Variants in ZNF585A observed in about 807,000 individuals in gnomAD.
ZNF585A encodes the protein zinc finger protein 585A.
In ZNF585A, 9 loss-of-function variants were observed where a neutral mutation model predicts 14.9. The ratio of observed to expected loss-of-function variants is 0.60; its 90% CI spans 0.36 to 1.05. The LOEUF is 1.05. ZNF585A is among the 50% of genes least tolerant of loss of function. The probability of loss-of-function intolerance (pLI) is 0.01; values close to 1 mark genes in which losing one functional copy is unlikely to be tolerated. For missense variants in ZNF585A, 726 were observed against 926.4 expected (o/e 0.78, Z 2.81); for synonymous variants, 276 against 319.9 (o/e 0.86, Z 1.46).
At chr19:37,156,986 G>C (rs1042096499) in intron 2 of ZNF585A, among the ~76,000 whole-genome samples, 1 of 152,114 alleles carries the variant, frequency 6.6e-6, no homozygotes, top group Non-Finnish European at 1.5e-5. Flanking sequence ...CACCGCGCCT[G>C]GCCTCTCTTA....
Position 37,151,549 on chromosome 19 carries a change from C to G in ZNF585A, c.*40G>C, listed in dbSNP as rs780226930. 7 of 1,563,094 alleles carry G rather than the reference C, an allele frequency of 4.5e-6. No individual in the cohort carries two copies. The highest frequency in any genetic ancestry group is 1.7e-4 in the Middle Eastern group (1 of 5,756). ...CTGCATGCGTGCAACAGTGTACAAT[C>G]AGACCCAACCCTCAGGGGGGTTTTC... On this transcript the variant is annotated 3_prime_UTR_variant, in exon 5 of 5. Transcript: ENST00000292841.
In ZNF585A at chr19:37,170,045, AC is replaced by A; in HGVS notation, c.-136del. ...TCTGGCCCAGGGGCTCCCCAGAGAC[AC>A]CCAGAAACCTGGAAAGACAATGTTC... On this transcript the variant is annotated 5_prime_UTR_variant, in exon 2 of 5. Transcript: ENST00000292841. 1 of 935,980 alleles carries A rather than the reference AC, an allele frequency of 1.1e-6. No individual in the cohort carries two copies. The allele number at this position is 935,980 out of a possible 1,614,324, so 58.0% of individuals were successfully genotyped here.
In ZNF585A at chr19:37,156,233, T is replaced by G; in HGVS notation, c.195A>C (p.Ser65=). 6.8e-6 allele frequency: 11 copies of G among 1,614,114 alleles called. No individual in the cohort carries two copies. The highest frequency in any genetic ancestry group is 9.3e-6 in the Non-Finnish European group (11 of 1,179,978). ...VMLETYSHLL[S]VGYQVPEAEV... ...TACCAAGGTGACTGTGCTTACCTAC[T>G]GAGAGCAGGTGGCTGTAGGTCTCCA... is the stretch of plus-strand genomic sequence containing the variant. The change falls in exon 3 of 5, where the codon TCA becomes TCC. Residue 65 remains serine, a synonymous_variant. Coordinates refer to ENST00000292841, the MANE Select transcript of ZNF585A (RefSeq NM_001288800.2).
intron 2 of ZNF585A, among the ~76,000 whole-genome samples, chr19:37,169,500 A>G (rs957048228): frequency 1.3e-5 from 2 of 152,196 alleles, no homozygotes; most frequent in Non-Finnish European, 2.9e-5. Flanking sequence ...GGAAGAAACA[A>G]GAGAAATACT....
intron 2 of ZNF585A, among the ~76,000 whole-genome samples, chr19:37,167,590 T>TA (rs1972114389): frequency 1.3e-5 from 1 of 78,816 alleles, no homozygotes; most frequent in African/African-American, 9.9e-5. Context: ...TACTTTTTAT[T>TA]TTTATTTTAT....
intron 2 of ZNF585A, among the ~76,000 whole-genome samples, chr19:37,163,915 A>G (rs1466063284): frequency 6.6e-6 from 1 of 152,206 alleles, no homozygotes; most frequent in African/African-American, 2.4e-5. Context: ...AAAAAGCACA[A>G]GAACTCCAAA....
In ZNF585A at chr19:37,151,987, C is replaced by A; in HGVS notation, c.1912G>T (p.Glu638Ter). 1 of 1,614,042 alleles carries A rather than the reference C, an allele frequency of 6.2e-7. No homozygotes were observed. Among genetic ancestry groups the A allele is most frequent in the Non-Finnish European group, 8.5e-7 (1 of 1,180,022 alleles). The change falls in exon 5 of 5, where the codon GAG (glutamate) becomes TAG (stop). Residue 638 changes from glutamate (E) to a stop codon, truncating the protein, a stop_gained. Coordinates refer to ENST00000292841, the MANE Select transcript of ZNF585A (RefSeq NM_001288800.2). LOFTEE classifies it low-confidence loss of function (END_TRUNC). ...CTGCCACTAAAGGCCTTCCCGCACT[C>A]GGCACACACATAGGGTTTCTCTCCT... ...HTGEKPYVCA[E>*]CGKAFSGRSN...
chr19:37,165,461 A>G (rs1972076169), intron 2 of ZNF585A: 1 of 157,778 alleles, frequency 6.3e-6, no homozygotes, highest in South Asian at 2.0e-4. Context: ...GTTTTGCTAT[A>G]TACCAGAGCT....
intron 2 of ZNF585A, among the ~76,000 whole-genome samples, chr19:37,159,686 C>T (rs1265225330): frequency 6.6e-6 from 1 of 152,066 alleles, no homozygotes; most frequent in East Asian, 1.9e-4. Flanking sequence ...ACAAGAATTA[C>T]AACAATACAA....
intron 2 of ZNF585A, among the ~76,000 whole-genome samples, chr19:37,163,112 G>A (rs1386899617): frequency 6.6e-6 from 1 of 152,004 alleles, no homozygotes; most frequent in Non-Finnish European, 1.5e-5. Context: ...AAAATTTAAT[G>A]GGGAATCAAG....
At chr19:37,166,924 C>T (rs928565040) in intron 2 of ZNF585A, among the ~76,000 whole-genome samples, 18 of 152,070 alleles carry the variant, frequency 1.2e-4, no homozygotes, top group African/African-American at 4.3e-4. Context: ...ACCTCTACTT[C>T]CCAGGCTCAA....
intron 4 of ZNF585A, among the ~76,000 whole-genome samples, chr19:37,154,939 G>C (rs1228125401): frequency 2.6e-5 from 4 of 151,966 alleles, no homozygotes. Flanking sequence ...AGGACTATGG[G>C]GAATGTAGGG....
intron 1 of ZNF585A, among the ~76,000 whole-genome samples, chr19:37,170,507 C>T (rs544636103): frequency 6.6e-6 from 1 of 152,242 alleles, no homozygotes; most frequent in Non-Finnish European, 1.5e-5. Flanking sequence ...TCTTTTGAGA[C>T]GGAGTCTCGC....
At chr19:37,168,274 C>T (rs1972127889) in intron 2 of ZNF585A, among the ~76,000 whole-genome samples, 1 of 152,106 alleles carries the variant, frequency 6.6e-6, no homozygotes, top group South Asian at 2.1e-4. Flanking sequence ...AAAAGCAGCC[C>T]CTGACCGCTG....
chr19:37,157,242 T>C (rs1208543907), intron 2 of ZNF585A, among the ~76,000 whole-genome samples: 1 of 152,218 alleles, frequency 6.6e-6, no homozygotes, highest in East Asian at 1.9e-4. Flanking sequence ...TTCTGTACTA[T>C]AGTCAGCCAA....
chr19:37,156,463 T>C, intron 2 of ZNF585A, 108 bp from the exon 3 acceptor site: 1 of 1,392,980 alleles, frequency 7.2e-7, no homozygotes. Context: ...TTACATTCTC[T>C]TTTTAAAAAC....
In ZNF585A at chr19:37,151,783, G is replaced by A. The variant is rs752801649; in HGVS notation, c.2116C>T (p.Gln706Ter). 1.9e-6 allele frequency: 3 copies of A among 1,613,250 alleles called. No individual in the cohort carries two copies. The highest frequency in any genetic ancestry group is 1.7e-6 in the Non-Finnish European group (2 of 1,179,766). Residue 706 changes from glutamine to a stop codon, truncating the protein, a stop_gained, in exon 5 of 5, where the codon CAA becomes TAA. Coordinates refer to ENST00000292841, the MANE Select transcript of ZNF585A (RefSeq NM_001288800.2). LOFTEE classifies it high-confidence loss of function. ...CCAGTGTGAATTCGCTGATGCACTTGGAGCTGTGATTTTTTAGTGAAAGAC... is the reference window on the plus strand; with the variant it reads ...CCAGTGTGAATTCGCTGATGCACTTAGAGCTGTGATTTTTTAGTGAAAGAC... ...GKSFTKKSQL[Q>*]VHQRIHTGEK...
chr19:37,171,715 A>C (rs1250500506), intron 1 of ZNF585A, among the ~76,000 whole-genome samples: 1 of 152,186 alleles, frequency 6.6e-6, no homozygotes, highest in African/African-American at 2.4e-5. Context: ...AGCCTGGCCA[A>C]CATGGTGAAT....
Position 37,156,267 on chromosome 19 carries a change from T to C in ZNF585A, c.161A>G (p.Asp54Gly), listed in dbSNP as rs1971928895. The C allele has an allele frequency of 3.1e-6, 5 of 1,614,134 alleles. No individual in the cohort carries two copies. In the East Asian group the frequency reaches 8.9e-5, roughly 29 times the overall value. ...GTGGCTGTAGGTCTCCAGCATCACA[T>C]CCCGGTACAGGTTTCTCTGAGAAGG... Reference protein sequence around the residue: ...LDPSQRNLYRDVMLETYSHLL... With the variant: ...LDPSQRNLYRGVMLETYSHLL... Residue 54 changes from aspartate to glycine, a missense_variant, in exon 3 of 5, where the codon GAT becomes GGT. This residue lies in a region of ZNF585A where 483 missense variants were observed against 542.8 expected (regional missense o/e 0.89). Transcript: ENST00000292841.
Sources: gnomAD v4.1 joint callset for allele counts (sites outside exome capture counted in the v4.1 genomes callset) on GRCh38, gnomAD v4.1.1 for gene constraint, gnomAD v4.1.1 regional missense constraint, MANE v1.5 for transcripts, NCBI Gene and HGNC (gene_info 2026-07-23, HGNC 2026-07-21) for gene names.